HMCN1: variants seen among roughly 807,000 people sequenced by gnomAD.
HMCN1 encodes hemicentin-1.
A neutral mutation model predicts 625.9 loss-of-function variants in HMCN1; 321 were observed. The observed-to-expected ratio is 0.51, with a 90% confidence interval of 0.47 to 0.56. The LOEUF (loss-of-function observed/expected upper bound fraction) is 0.56. Ranked by LOEUF, HMCN1 falls within the 20% of genes least tolerant of loss-of-function variation. The probability of loss-of-function intolerance (pLI) is 0.00; values close to 1 mark genes in which losing one functional copy is unlikely to be tolerated. For missense variants in HMCN1, 6,588 were observed against 6,887.3 expected (o/e 0.96, Z 1.54); for synonymous variants, 2,425 against 2,417.6 (o/e 1.00, Z -0.09).
intron 75 of HMCN1, among the ~76,000 whole-genome samples, chr1:186,116,077 C>A (rs1195337945): frequency 6.6e-6 from 1 of 152,010 alleles, no homozygotes; most frequent in Admixed American, 6.6e-5. Flanking sequence ...AAAATCAATT[C>A]CAATACATCA....
At chr1:185,968,706 C>T (rs1650595550) in intron 14 of HMCN1, among the ~76,000 whole-genome samples, 1 of 151,898 alleles carries the variant, frequency 6.6e-6, no homozygotes, top group South Asian at 2.1e-4. Flanking sequence ...GAGAACTCTC[C>T]TCAATGGTAA....
intron 6 of HMCN1, among the ~76,000 whole-genome samples, chr1:185,920,201 G>C: frequency 6.6e-6 from 1 of 152,128 alleles, no homozygotes; most frequent in Non-Finnish European, 1.5e-5. Context: ...ATACTAAGCT[G>C]TTTTAAAAAC....
chr1:186,083,002 G>T, intron 57 of HMCN1, 41 bp downstream of exon 57: 1 of 1,220,050 alleles, frequency 8.2e-7, no homozygotes, highest in East Asian at 2.4e-5. Context: ...GGGTATGCTT[G>T]GAAAAGCAGA....
At chr1:186,038,124 A>C in intron 37 of HMCN1, 89 bp downstream of exon 37, 1 of 786,394 alleles carries the variant, frequency 1.3e-6, no homozygotes, top group South Asian at 1.4e-5. Context: ...ACTAATTACT[A>C]GTAAAGAACA....
chr1:185,838,149 C>G (rs909584330), intron 1 of HMCN1, among the ~76,000 whole-genome samples: 1 of 152,128 alleles, frequency 6.6e-6, no homozygotes, highest in Non-Finnish European at 1.5e-5. Context: ...GCCTGGTTTG[C>G]CAGATTCCCC....
rs765705860 is a variant in HMCN1 at position 186,178,461 on chromosome 1, G to A, written c.15989G>A (p.Cys5330Tyr). The A allele has an allele frequency of 2.5e-6, 4 of 1,613,882 alleles. No homozygotes were observed. In the African/African-American group the frequency reaches 4.0e-5, roughly 16 times the overall value. Residue 5330 changes from cysteine to tyrosine, a missense_variant, in exon 104 of 107, where the codon TGC becomes TAC. By Grantham distance (194) the Cys-to-Tyr change is radical. Transcript: ENST00000271588. ...GTGCCTAAACCTTGTGCACATCAGTGCTCCAACACCCCCGGCAGCTTCAAG... is the reference window on the plus strand; with the variant it reads ...GTGCCTAAACCTTGTGCACATCAGTACTCCAACACCCCCGGCAGCTTCAAG... Reference protein sequence around the residue: ...EQVPKPCAHQCSNTPGSFKCI... With the variant: ...EQVPKPCAHQYSNTPGSFKCI...
chr1:185,787,460 T>C (rs1657699493), intron 1 of HMCN1, among the ~76,000 whole-genome samples: 1 of 152,188 alleles, frequency 6.6e-6, no homozygotes, highest in Non-Finnish European at 1.5e-5. Context: ...TGACTGAAGC[T>C]CATGGCATGC....
intron 48 of HMCN1, among the ~76,000 whole-genome samples, chr1:186,063,102 A>ATATATATC (rs1286648495): frequency 6.1e-5 from 8 of 132,092 alleles, no homozygotes; most frequent in African/African-American, 1.1e-4. Context: ...ATATATATAT[A>ATATATATC]TCACATTTTC....
intron 6 of HMCN1, among the ~76,000 whole-genome samples, chr1:185,918,525 G>A (rs987641628): frequency 3.3e-5 from 5 of 152,118 alleles, no homozygotes; most frequent in African/African-American, 1.2e-4. Context: ...CCTCACAGAT[G>A]CACCCAGAAG....
chr1:186,056,962 G>A (rs1295530018), intron 45 of HMCN1, among the ~76,000 whole-genome samples: 1 of 150,718 alleles, frequency 6.6e-6, no homozygotes, highest in Non-Finnish European at 1.5e-5. Flanking sequence ...CACCACTATT[G>A]GAATAACAAT....
intron 97 of HMCN1, among the ~76,000 whole-genome samples, chr1:186,160,962 T>C (rs565090275): frequency 1.3e-5 from 2 of 152,028 alleles, no homozygotes; most frequent in Non-Finnish European, 2.9e-5. Context: ...CTGAGTTCAA[T>C]TCCTGGGTAT....
intron 105 of HMCN1, among the ~76,000 whole-genome samples, chr1:186,184,695 C>CAAGTATGTTTATCCTAAATTTTT (rs1553311684): frequency 2.0e-5 from 3 of 152,136 alleles, no homozygotes; most frequent in African/African-American, 7.2e-5. Context: ...ACAGATGTTT[C>CAAGTATGTTTATCCTAAATTTTT]AAGTATGTTT....
chr1:186,007,214 G>T lies in HMCN1; in HGVS notation c.4562G>T (p.Gly1521Val). The T allele has an allele frequency of 6.2e-7, 1 of 1,613,492 alleles. No individual in the cohort carries two copies. Residue 1521 changes from glycine to valine, a missense_variant, in exon 30 of 107, where the codon GGG (glycine) becomes GTG (valine). This residue lies in a region of HMCN1 where 4,628 missense variants were observed against 4,853.1 expected (regional missense o/e 0.95). Transcript: ENST00000271588. ...HLKNARRNDK[G>V]RYQCTVSNAA... Reference sequence around the variant, plus strand: ...AAGAATGCACGGAGAAATGACAAGGGGCGCTACCAATGTACTGTGTCTAAT... The same window carrying T: ...AAGAATGCACGGAGAAATGACAAGGTGCGCTACCAATGTACTGTGTCTAAT...
At chr1:186,029,626 T>A (rs988669325) in intron 36 of HMCN1, among the ~76,000 whole-genome samples, 1 of 151,948 alleles carries the variant, frequency 6.6e-6, no homozygotes, top group Admixed American at 6.5e-5. Flanking sequence ...CTTTTGTTTA[T>A]CTTAGTGTAG....
rs201279930 is a variant in HMCN1, at chr1:185,937,956, A to G, written c.1828+4132A>G. 7.3e-5 allele frequency among the ~76,000 whole-genome samples: 11 copies of G among 149,936 alleles called. No homozygotes were observed. In the East Asian group the frequency reaches 2.1e-3, roughly 29 times the overall value. On this transcript the variant is annotated intron_variant, in intron 11 of 106. Coordinates refer to ENST00000271588, the MANE Select transcript of HMCN1 (RefSeq NM_031935.3). ...AATAAGTGGAATGGAAGAAGTCAGAAAAGATTTGATTTTAAAAATGCAATA... is the reference window on the plus strand; with the variant it reads ...AATAAGTGGAATGGAAGAAGTCAGAGAAGATTTGATTTTAAAAATGCAATA...
rs748088125 is a variant in HMCN1, at chr1:186,108,557, C to T, written c.10949C>T (p.Pro3650Leu). 5 of 1,614,108 alleles carry T rather than the reference C, an allele frequency of 3.1e-6. No homozygotes were observed. Among genetic ancestry groups the T allele is most frequent in the Non-Finnish European group, 3.4e-6 (4 of 1,180,010 alleles). Residue 3650 changes from proline (P) to leucine (L), a missense_variant, in exon 71 of 107, where the codon CCA (proline) becomes CTA (leucine). Physicochemically the swap from Pro to Leu is moderately conservative, Grantham distance 98. Coordinates refer to ENST00000271588, the MANE Select transcript of HMCN1 (RefSeq NM_031935.3). Reference protein sequence around the residue: ...TLECKSDAVPPPVITWLRNGE... With the variant: ...TLECKSDAVPLPVITWLRNGE... ...GAATGCAAGTCAGATGCAGTGCCCC[C>T]ACCTGTAATTACTTGGCTCAGAAAT... is the stretch of plus-strand genomic sequence containing the variant.
intron 42 of HMCN1, among the ~76,000 whole-genome samples, chr1:186,050,218 G>A (rs1379744048): frequency 1.3e-5 from 2 of 151,830 alleles, no homozygotes; most frequent in African/African-American, 2.4e-5. Flanking sequence ...ATTAGAAACT[G>A]AGGTGAAGAA....
rs539437229 is a variant in HMCN1 at position 186,153,639 on chromosome 1, T to G, written c.15019-111T>G. 3.4e-6 allele frequency: 3 copies of G among 874,262 alleles called. No homozygotes were observed. The East Asian group carries it at 7.3e-5, about 21-fold the overall frequency. The allele number at this position is 874,262 out of a possible 1,614,324, so 54.2% of individuals were successfully genotyped here. A position where few individuals can be genotyped will look rare whatever the true frequency, so the allele number is the denominator to read the frequency against. On this transcript the variant is annotated intron_variant, in intron 96 of 106. Transcript: ENST00000271588. ...GTTTACCATCATGCATGATGTGTGTTTTTTAGCTCCTAATCCTTTTTCCCC... is the reference window on the plus strand; with the variant it reads ...GTTTACCATCATGCATGATGTGTGTGTTTTAGCTCCTAATCCTTTTTCCCC...
chr1:185,942,756 G>A lies in HMCN1; in HGVS notation c.1828+8932G>A, dbSNP rs187543182. On this transcript the variant is annotated intron_variant, in intron 11 of 106. Coordinates refer to ENST00000271588, the MANE Select transcript of HMCN1 (RefSeq NM_031935.3). ...TTAGCATGAGACCCCACAGGTTAAG[G>A]GGTTAATCCCACAAAACTGCACCTA... 2.4e-3 allele frequency among the ~76,000 whole-genome samples: 368 copies of A among 152,126 alleles called. 1 individual carries two copies. The highest frequency in any genetic ancestry group is 4.1e-3 in the Admixed American group (62 of 15,272).
Sources: gnomAD v4.1 joint callset for allele counts (sites outside exome capture counted in the v4.1 genomes callset) on GRCh38, gnomAD v4.1.1 for gene constraint, gnomAD v4.1.1 regional missense constraint, MANE v1.5 for transcripts, NCBI Gene and HGNC (gene_info 2026-07-23, HGNC 2026-07-21) for gene names.